VWA8: variants seen among roughly 807,000 people sequenced by gnomAD.
The protein encoded by VWA8 is von Willebrand factor A domain-containing protein 8.
Under a neutral mutation model 241.5 loss-of-function variants are expected in VWA8, and 221 were observed. The ratio of observed to expected loss-of-function variants is 0.91; its 90% CI spans 0.82 to 1.02. The LOEUF is 1.02. Among genes scored for constraint, VWA8 ranks in the 50% least tolerant of loss-of-function variants. The pLI is 0.00. For missense variants in VWA8, 2,322 were observed against 2,328.7 expected (o/e 1.00, Z 0.06); for synonymous variants, 852 against 827.1 (o/e 1.03, Z -0.52).
At chr13:41,915,214 T>A (rs189363860) in intron 2 of VWA8, among the ~76,000 whole-genome samples, 5 of 152,222 alleles carry the variant, frequency 3.3e-5, no homozygotes, top group African/African-American at 1.2e-4. Flanking sequence ...CTGGGAATTA[T>A]GTATAATCAT....
chr13:41,671,285 TCACCACATA>T, intron 36 of VWA8, 138 bp from the exon 37 acceptor site: 2 of 933,882 alleles, frequency 2.1e-6, no homozygotes, highest in Non-Finnish European at 3.2e-6. Context: ...CTTACCTCTG[TCACCACATA>T]GGCAGGTTAT....
chr13:41,960,915 G>C lies in VWA8; in HGVS notation c.101C>G (p.Pro34Arg). ...CTCCGGCCGCTGCCTGTCGCCACCC[G>C]GCCTGCGCTGCACCACCTGCCGCAG... is the stretch of plus-strand genomic sequence containing the variant. ...LLLRQVVQRR[P>R]GGDRQRPEVR... is the part of the protein sequence containing the mutation. The change falls in exon 1 of 45, where the codon CCG (proline) becomes CGG (arginine). Residue 34 changes from proline (P) to arginine (R), a missense_variant. Transcript: ENST00000379310. The C allele has an allele frequency of 6.6e-7, 1 of 1,509,886 alleles. No individual in the cohort carries two copies. Among genetic ancestry groups the C allele is most frequent in the Non-Finnish European group, 8.8e-7 (1 of 1,135,838 alleles). The allele number at this position is 1,509,886 out of a possible 1,614,324, so 93.5% of individuals were successfully genotyped here. A position where few individuals can be genotyped will look rare whatever the true frequency, so the allele number is the denominator to read the frequency against.
At chr13:41,845,391 C>T (rs1367142595) in intron 12 of VWA8, among the ~76,000 whole-genome samples, 1 of 152,118 alleles carries the variant, frequency 6.6e-6, no homozygotes, top group Non-Finnish European at 1.5e-5. Flanking sequence ...AGTTCAGCCA[C>T]TGTGGAAAGC....
At chr13:41,920,014 C>A (rs1876437434) in intron 2 of VWA8, among the ~76,000 whole-genome samples, 1 of 152,136 alleles carries the variant, frequency 6.6e-6, no homozygotes, top group Non-Finnish European at 1.5e-5. Flanking sequence ...GCTGAGGAGC[C>A]CCACCTCCCG....
chr13:41,664,877 G>A (rs2044976603), intron 37 of VWA8, among the ~76,000 whole-genome samples: 1 of 152,124 alleles, frequency 6.6e-6, no homozygotes, highest in South Asian at 2.1e-4. Context: ...AGTAAATGAT[G>A]TATACTTTGC....
At chr13:41,611,796 T>C (rs1593649349) in intron 38 of VWA8, 64 bp from the exon 39 acceptor site, 1 of 1,597,448 alleles carries the variant, frequency 6.3e-7, no homozygotes, top group Non-Finnish European at 8.5e-7. Flanking sequence ...AAAAGTTGGG[T>C]CATGGTTTTA....
At chr13:41,754,227 A>G (rs1407991203) in intron 21 of VWA8, among the ~76,000 whole-genome samples, 1 of 152,098 alleles carries the variant, frequency 6.6e-6, no homozygotes, top group Non-Finnish European at 1.5e-5. Flanking sequence ...TAATTGAATC[A>G]TGGTGGCAGG....
intron 9 of VWA8, among the ~76,000 whole-genome samples, chr13:41,871,463 AC>A (rs1254986012): frequency 2.6e-5 from 4 of 151,262 alleles, no homozygotes; most frequent in Non-Finnish European, 5.9e-5. Flanking sequence ...CACTCCCTCC[AC>A]CCCACAACAG....
intron 36 of VWA8, among the ~76,000 whole-genome samples, chr13:41,672,525 T>C (rs956674397): frequency 1.3e-5 from 2 of 152,242 alleles, no homozygotes; most frequent in African/African-American, 4.8e-5. Flanking sequence ...GCTATCATTG[T>C]AGATTTTGGA....
At chr13:41,825,393 T>C (rs556578841) in intron 14 of VWA8, among the ~76,000 whole-genome samples, 1 of 152,250 alleles carries the variant, frequency 6.6e-6, no homozygotes, top group East Asian at 1.9e-4. Flanking sequence ...AAAAACACCA[T>C]CCAATTGCTA....
chr13:41,866,146 G>C, intron 10 of VWA8, 110 bp from the exon 11 acceptor site: 1 of 1,381,172 alleles, frequency 7.2e-7, no homozygotes, highest in Non-Finnish European at 9.8e-7. Context: ...TTAGTAGTTC[G>C]AGACCAGCCT....
chr13:41,730,866 T>G (rs569014340), intron 22 of VWA8, among the ~76,000 whole-genome samples: 1 of 151,876 alleles, frequency 6.6e-6, no homozygotes, highest in Admixed American at 6.6e-5. Context: ...ACCATATTTT[T>G]AAAAAACTTA....
intron 28 of VWA8, among the ~76,000 whole-genome samples, chr13:41,700,910 G>A (rs2045245000): frequency 6.6e-6 from 1 of 152,118 alleles, no homozygotes; most frequent in South Asian, 2.1e-4. Flanking sequence ...AATGTACCCA[G>A]GGTCCACTGC....
At chr13:41,764,622 A>G (rs995247181) in intron 20 of VWA8, among the ~76,000 whole-genome samples, 8 of 152,170 alleles carry the variant, frequency 5.3e-5, no homozygotes, top group African/African-American at 1.9e-4. Flanking sequence ...AGGTATAGGG[A>G]AAGATGAGAA....
rs375593103 is a variant in VWA8, at chr13:41,568,149, C to T, written c.*48G>A. ...CTTTTTTTCAGAATACTCTTTATTC[C>T]TGTCTTATTTCAAATCCTGGTGTCA... On this transcript the variant is annotated 3_prime_UTR_variant, in exon 45 of 45. Transcript: ENST00000379310. The T allele has an allele frequency of 2.1e-4, 312 of 1,476,470 alleles. 1 individual carries two copies. The highest frequency in any genetic ancestry group is 9.0e-4 in the South Asian group (79 of 87,306). 91.5% of individuals were successfully genotyped at this position (1,476,470 alleles called of 1,614,324 possible).
chr13:41,583,641 TC>T (rs2044398201), intron 42 of VWA8, among the ~76,000 whole-genome samples: 1 of 79,294 alleles, frequency 1.3e-5, no homozygotes, highest in East Asian at 3.8e-4. Context: ...AGACTCCATC[TC>T]AAAAAAAAAA....
chr13:41,650,860 G>A (rs974318287), intron 37 of VWA8, among the ~76,000 whole-genome samples: 2 of 152,214 alleles, frequency 1.3e-5, no homozygotes, highest in Non-Finnish European at 2.9e-5. Context: ...ACATTGGCAT[G>A]CAGCCTTAAA....
Position 41,744,482 on chromosome 13 carries a change from A to C in VWA8, c.2427-12327T>G, listed in dbSNP as rs537769875. Among the ~76,000 whole-genome samples the C allele has an allele frequency of 2.0e-5, 3 of 152,346 alleles. No individual in the cohort carries two copies. The East Asian group carries it at 5.8e-4, about 29-fold the overall frequency. ...AACCCATAAATAAATAAATCTACTT[A>C]CTACTAATTTAAGCCCCTCATCCCA... is the stretch of plus-strand genomic sequence containing the variant. On this transcript the variant is annotated intron_variant, in intron 21 of 44. Coordinates refer to ENST00000379310, the MANE Select transcript of VWA8 (RefSeq NM_015058.2).
intron 18 of VWA8, among the ~76,000 whole-genome samples, chr13:41,784,737 C>T (rs12017182): frequency 0.011 from 777 of 72,322 alleles, 35 homozygotes; most frequent in African/African-American, 0.016. Flanking sequence ...TATACACACA[C>T]ATATATATAT....
Sources: allele counts gnomAD v4.1 joint callset (sites outside exome capture counted in the v4.1 genomes callset), GRCh38; gene constraint gnomAD v4.1.1; transcripts MANE v1.5; gene names NCBI Gene and HGNC (gene_info 2026-07-23, HGNC 2026-07-21).